DARS2: variants seen among roughly 807,000 people sequenced by gnomAD.
DARS2 encodes aspartyl-tRNA synthetase 2, mitochondrial.
DARS2 carries 63 observed loss-of-function variants against 83.0 expected under a neutral mutation model. The observed-to-expected ratio is 0.76, with a 90% CI of 0.62 to 0.94. DARS2 has a LOEUF of 0.94. Among genes scored for constraint, DARS2 ranks in the 40% least tolerant of loss-of-function variants. DARS2 has a pLI of 0.00. For missense variants in DARS2, 675 were observed against 774.4 expected (o/e 0.87, Z 1.52); for synonymous variants, 250 against 269.3 (o/e 0.93, Z 0.70).
chr1:173,842,267 C>G (rs945488891), intron 11 of DARS2, among the ~76,000 whole-genome samples: 2 of 134,908 alleles, frequency 1.5e-5, no homozygotes, highest in African/African-American at 5.6e-5. Context: ...AACTCAGGAA[C>G]TCAGTCTCAT....
Position 173,853,838 on chromosome 1 carries a change from TAGG to T in DARS2, c.1611_1613del (p.Gly539del), listed in dbSNP as rs1464491602. 1.2e-6 allele frequency: 2 copies of T among 1,614,140 alleles called. No homozygotes were observed. Among genetic ancestry groups the T allele is most frequent in the Non-Finnish European group, 8.5e-7 (1 of 1,180,028 alleles). Reference sequence around the variant, plus strand: ...GACTTGGTTTTAAATGGCAATGAAATAGGAGGTGGTTCAATTCGAATTCACAAT... The same window carrying T: ...GACTTGGTTTTAAATGGCAATGAAATAGGTGGTTCAATTCGAATTCACAAT... On this transcript the variant is annotated inframe_deletion, in exon 15 of 17. Transcript: ENST00000649689.
At chr1:173,842,154 A>G (rs1173968897) in intron 11 of DARS2, among the ~76,000 whole-genome samples, 1 of 152,170 alleles carries the variant, frequency 6.6e-6, no homozygotes, top group Non-Finnish European at 1.5e-5. Flanking sequence ...GCTTTAAAAA[A>G]TAATTTCATA....
At chr1:173,830,843 C>A in intron 4 of DARS2, 82 bp downstream of exon 4, 1 of 1,033,110 alleles carries the variant, frequency 9.7e-7, no homozygotes, top group Non-Finnish European at 1.5e-6. Context: ...CAACACATGA[C>A]TGGACATTAG....
intron 15 of DARS2, among the ~76,000 whole-genome samples, chr1:173,856,055 T>C (rs1653849262): frequency 6.6e-6 from 1 of 152,140 alleles, no homozygotes; most frequent in South Asian, 2.1e-4. Context: ...AAAAAAACAC[T>C]GGTGCCTTGG....
chr1:173,832,598 G>A (rs551549644), intron 5 of DARS2, among the ~76,000 whole-genome samples: 18 of 151,922 alleles, frequency 1.2e-4, no homozygotes, highest in African/African-American at 3.4e-4. Context: ...GTGAAACCCC[G>A]TCTCTACTAA....
At chr1:173,834,871 T>C (rs993903507) in intron 7 of DARS2, among the ~76,000 whole-genome samples, 6 of 144,038 alleles carry the variant, frequency 4.2e-5, no homozygotes, top group Non-Finnish European at 7.5e-5. Flanking sequence ...CTCTGCCTAC[T>C]GGATCCAAGC....
In DARS2 at chr1:173,828,396, T is replaced by G; in HGVS notation, c.291T>G (p.Asp97Glu). 1 of 1,592,440 alleles carries G rather than the reference T, an allele frequency of 6.3e-7. No individual in the cohort carries two copies. The highest frequency in any genetic ancestry group is 8.6e-7 in the Non-Finnish European group (1 of 1,166,798). ...TTGTTCAAGTTATCATTCCCCAGGA[T>G]GAGGTAATAGAAAATTTCCTGTTAT... ...DGLVQVIIPQ[D>E]ESAASVKKIL... The change falls in exon 3 of 17, where the codon GAT (aspartate) becomes GAG (glutamate). Residue 97 changes from aspartate to glutamate, a missense_variant. Physicochemically the swap from Asp to Glu is conservative, Grantham distance 45. Transcript: ENST00000649689.
In DARS2 at chr1:173,825,065, C is replaced by A; in HGVS notation, c.-165C>A. 2 of 980,750 alleles carry A rather than the reference C, an allele frequency of 2.0e-6. No individual in the cohort carries two copies. Among genetic ancestry groups the A allele is most frequent in the Admixed American group, 4.1e-5 (2 of 48,366 alleles). The allele number at this position is 980,750 out of a possible 1,614,324, so 60.8% of individuals were successfully genotyped here. A position where few individuals can be genotyped will look rare whatever the true frequency, so the allele number is the denominator to read the frequency against. ...GAGACCTTGGAGATTTGTCTTGTTT[C>A]TAGACACGTGTACTCCAATGTTGTG... On this transcript the variant is annotated 5_prime_UTR_variant, in exon 1 of 17. Coordinates refer to ENST00000649689, the MANE Select transcript of DARS2 (RefSeq NM_018122.5).
At chr1:173,833,277 G>C (rs967906889) in intron 5 of DARS2, 99 bp from the exon 6 acceptor site, 56 of 1,093,656 alleles carry the variant, frequency 5.1e-5, no homozygotes, top group Non-Finnish European at 7.0e-5. Context: ...AGAAACTAAA[G>C]ACAGAGCTAA....
intron 15 of DARS2, 130 bp downstream of exon 15, chr1:173,854,035 G>C: frequency 1.3e-6 from 1 of 774,630 alleles, no homozygotes; most frequent in South Asian, 1.5e-5. Flanking sequence ...GTGTCTACTG[G>C]TGCATTCATA....
chr1:173,852,799 C>G (rs1312211962), intron 13 of DARS2, among the ~76,000 whole-genome samples: 1 of 151,986 alleles, frequency 6.6e-6, no homozygotes, highest in African/African-American at 2.4e-5. Context: ...CACTGCACCC[C>G]TCCGCACTCT....
chr1:173,830,651 G>C lies in DARS2; in HGVS notation c.295-9G>C. The C allele has an allele frequency of 1.2e-6, 2 of 1,609,572 alleles. No homozygotes were observed. Among genetic ancestry groups the C allele is most frequent in the Non-Finnish European group, 1.7e-6 (2 of 1,175,944 alleles). ...GTTTCTCAGAACTCTTTTCCCCCTT[G>C]TTCTGTAGTCGGCAGCCTCTGTGAA... On this transcript the variant is annotated splice_polypyrimidine_tract_variant and intron_variant, in intron 3 of 16. Transcript: ENST00000649689.
chr1:173,853,138 T>C (rs574990763), intron 13 of DARS2, among the ~76,000 whole-genome samples: 22 of 152,322 alleles, frequency 1.4e-4, no homozygotes, highest in African/African-American at 5.3e-4. Context: ...TTATCAGTAC[T>C]CACCCAGTTG....
At chr1:173,855,322 G>A (rs920534472) in intron 15 of DARS2, among the ~76,000 whole-genome samples, 6 of 151,986 alleles carry the variant, frequency 3.9e-5, no homozygotes, top group African/African-American at 1.2e-4. Context: ...GGCTGGTCTC[G>A]AACTCCTGAC....
intron 13 of DARS2, among the ~76,000 whole-genome samples, chr1:173,851,389 T>G (rs1653662661): frequency 6.6e-6 from 1 of 152,144 alleles, no homozygotes; most frequent in Admixed American, 6.6e-5. Flanking sequence ...GAAAAAATAT[T>G]TTCAGTGTCA....
At chr1:173,846,344 A>G (rs1653435398) in intron 12 of DARS2, among the ~76,000 whole-genome samples, 1 of 151,920 alleles carries the variant, frequency 6.6e-6, no homozygotes, top group East Asian at 1.9e-4. Context: ...ATAAATAAAT[A>G]TTAGCTGGGC....
chr1:173,830,621 C>A, intron 3 of DARS2, 39 bp from the exon 4 acceptor site: 1 of 1,508,128 alleles, frequency 6.6e-7, no homozygotes, highest in South Asian at 1.1e-5. Flanking sequence ...CCTGTAAGTT[C>A]ATTTGTTTCT....
intron 9 of DARS2, 40 bp downstream of exon 9, chr1:173,838,299 T>C: frequency 1.3e-6 from 2 of 1,506,222 alleles, no homozygotes; most frequent in Non-Finnish European, 9.2e-7. Flanking sequence ...AATTCAGGCT[T>C]ACTATTTTGA....
chr1:173,856,853 G>A, intron 16 of DARS2, 112 bp downstream of exon 16: 1 of 742,630 alleles, frequency 1.3e-6, no homozygotes, highest in Non-Finnish European at 2.2e-6. Flanking sequence ...AGTTCCATGA[G>A]AATGTAAGTT....
Sources: allele counts gnomAD v4.1 joint callset (sites outside exome capture counted in the v4.1 genomes callset), GRCh38; gene constraint gnomAD v4.1.1; transcripts MANE v1.5; gene names NCBI Gene and HGNC (gene_info 2026-07-23, HGNC 2026-07-21).